NELL1: variants seen among roughly 807,000 people sequenced by gnomAD.
The protein encoded by NELL1 is neural EGFL like 1.
NELL1 carries 76 observed loss-of-function variants against 107.4 expected under a neutral mutation model. That is an observed-to-expected ratio of 0.71 (90% CI 0.59 to 0.86). The LOEUF (loss-of-function observed/expected upper bound fraction) is 0.86. Ranked by LOEUF, NELL1 falls within the 40% of genes least tolerant of loss-of-function variation. The probability of loss-of-function intolerance (pLI) is 0.00; values close to 1 mark genes in which losing one functional copy is unlikely to be tolerated. For synonymous variants in NELL1, 353 were observed against 341.2 expected, an observed-to-expected ratio of 1.03 and a Z score of -0.38; for missense variants, 1,024 against 1,005.5, an observed-to-expected ratio of 1.02 and a Z score of -0.25.
At chr11:21,408,285 C>T (rs1852283378) in intron 15 of NELL1, among the ~76,000 whole-genome samples, 1 of 151,998 alleles carries the variant, frequency 6.6e-6, no homozygotes, top group Non-Finnish European at 1.5e-5. Flanking sequence ...CCCACTCTTC[C>T]TACCAGATAC....
rs780488283 is a variant in NELL1, at chr11:21,482,539, C to T, written c.1646-51835C>T. 6.6e-5 allele frequency among the ~76,000 whole-genome samples: 10 copies of T among 152,238 alleles called. 1 individual carries two copies. Among genetic ancestry groups the T allele is most frequent in the South Asian group, 2.1e-4 (1 of 4,826 alleles). On this transcript the variant is annotated intron_variant, in intron 15 of 19. Coordinates refer to ENST00000357134, the MANE Select transcript of NELL1 (RefSeq NM_006157.5). ...GATAATATTCTACTGCTAGAGTTGA[C>T]GTACATGACATGTACTAATAGATGA...
At chr11:21,559,816 T>C (rs1313000218) in intron 16 of NELL1, among the ~76,000 whole-genome samples, 1 of 152,256 alleles carries the variant, frequency 6.6e-6, no homozygotes, top group African/African-American at 2.4e-5. Flanking sequence ...TTATGGCCTC[T>C]GGATGAAATC....
intron 14 of NELL1, 145 bp downstream of exon 14, chr11:21,229,599 C>T (rs1176444471): frequency 1.9e-5 from 22 of 1,132,618 alleles, no homozygotes; most frequent in South Asian, 9.4e-5. Context: ...GGGTACTGTG[C>T]GTCAGGGAAA....
At chr11:21,235,805 T>G (rs1858191719) in intron 14 of NELL1, among the ~76,000 whole-genome samples, 1 of 152,294 alleles carries the variant, frequency 6.6e-6, no homozygotes, top group South Asian at 2.1e-4. Context: ...ATGCAGAGCC[T>G]TAATGTCATG....
intron 3 of NELL1, among the ~76,000 whole-genome samples, chr11:20,828,568 T>C (rs765971659): frequency 1.3e-5 from 2 of 152,174 alleles, no homozygotes; most frequent in Admixed American, 6.5e-5. Flanking sequence ...GGTAAGGGAT[T>C]TGTGGAACTG....
At chr11:20,795,985 A>G (rs558108065) in intron 3 of NELL1, among the ~76,000 whole-genome samples, 1 of 152,242 alleles carries the variant, frequency 6.6e-6, no homozygotes, top group Admixed American at 6.5e-5. Context: ...GAAGGTATCC[A>G]TTGATTACCA....
At chr11:20,886,186 G>A (rs1849504535) in intron 5 of NELL1, among the ~76,000 whole-genome samples, 1 of 152,006 alleles carries the variant, frequency 6.6e-6, no homozygotes, top group African/African-American at 2.4e-5. Context: ...ACCATCCATA[G>A]CCTAAACCTC....
intron 13 of NELL1, among the ~76,000 whole-genome samples, chr11:21,211,584 G>T (rs534506863): frequency 6.6e-6 from 1 of 152,156 alleles, no homozygotes. Context: ...TTGCAGGTGG[G>T]CAATGGGGAA....
intron 5 of NELL1, 101 bp from the exon 6 acceptor site, chr11:20,918,081 G>A: frequency 1.3e-6 from 1 of 744,528 alleles, no homozygotes; most frequent in Non-Finnish European, 2.4e-6. Flanking sequence ...AATCAATTTT[G>A]TTGAAAAATA....
intron 14 of NELL1, among the ~76,000 whole-genome samples, chr11:21,274,476 A>G (rs1010854963): frequency 3.9e-5 from 6 of 152,238 alleles, no homozygotes; most frequent in African/African-American, 1.4e-4. Context: ...CACTGTCAAC[A>G]TTAGACAGAT....
intron 15 of NELL1, among the ~76,000 whole-genome samples, chr11:21,485,475 C>G (rs1239112823): frequency 6.6e-6 from 1 of 151,930 alleles, no homozygotes. Flanking sequence ...GTGTCCTCCA[C>G]TGGGTTCAAC....
chr11:20,799,322 G>C (rs1184552127), intron 3 of NELL1, among the ~76,000 whole-genome samples: 3 of 152,210 alleles, frequency 2.0e-5, no homozygotes, highest in Non-Finnish European at 4.4e-5. Flanking sequence ...CAGTGTGAGA[G>C]ACCGTGTATC....
intron 13 of NELL1, among the ~76,000 whole-genome samples, chr11:21,203,597 A>G (rs770321066): frequency 1.3e-5 from 2 of 152,110 alleles, no homozygotes; most frequent in Non-Finnish European, 2.9e-5. Context: ...TAATTGGGGC[A>G]TTTAGCCCAT....
chr11:21,177,860 G>A (rs1009516303), intron 13 of NELL1, among the ~76,000 whole-genome samples: 3 of 151,660 alleles, frequency 2.0e-5, no homozygotes, highest in African/African-American at 7.3e-5. Context: ...TATTTCTCTG[G>A]TGATTCATGA....
chr11:21,213,505 T>C (rs1035414712), intron 13 of NELL1, among the ~76,000 whole-genome samples: 13 of 152,140 alleles, frequency 8.5e-5, no homozygotes, highest in African/African-American at 2.9e-4. Context: ...TTGAATTGAA[T>C]TGAATTGAAT....
At chr11:21,266,639 T>C (rs1848641051) in intron 14 of NELL1, among the ~76,000 whole-genome samples, 1 of 152,114 alleles carries the variant, frequency 6.6e-6, no homozygotes. Flanking sequence ...TCATCTTCTT[T>C]TGACAGTTTA....
At chr11:21,291,951 C>T (rs1368856402) in intron 14 of NELL1, among the ~76,000 whole-genome samples, 2 of 152,162 alleles carry the variant, frequency 1.3e-5, no homozygotes, top group African/African-American at 4.8e-5. Flanking sequence ...CTATTTATGA[C>T]AAACCCACAG....
chr11:21,480,199 A>G (rs939441854), intron 15 of NELL1, among the ~76,000 whole-genome samples: 1 of 152,218 alleles, frequency 6.6e-6, no homozygotes, highest in Non-Finnish European at 1.5e-5. Flanking sequence ...AAGTATAATG[A>G]GAAGTTTTCC....
intron 12 of NELL1, among the ~76,000 whole-genome samples, chr11:21,087,367 A>AT (rs1854419714): frequency 2.0e-5 from 3 of 147,180 alleles, no homozygotes; most frequent in African/African-American, 7.5e-5. Flanking sequence ...AAGGAATTTA[A>AT]TGCTGGTGTG....
Sources: gnomAD v4.1 joint callset for allele counts (sites outside exome capture counted in the v4.1 genomes callset) on GRCh38, gnomAD v4.1.1 for gene constraint, MANE v1.5 for transcripts, NCBI Gene and HGNC (gene_info 2026-07-23, HGNC 2026-07-21) for gene names.